LIPF: variants seen among roughly 807,000 people sequenced by gnomAD.
The protein encoded by LIPF is lipase F, gastric type, also known as gastric triacylglycerol lipase.
Under a neutral mutation model 38.0 loss-of-function variants are expected in LIPF, and 25 were observed. The ratio of observed to expected loss-of-function variants is 0.66; its 90% confidence interval spans 0.48 to 0.92. The LOEUF (loss-of-function observed/expected upper bound fraction) is 0.92, where lower values mean the gene tolerates loss of function less well. LIPF is among the 40% of genes least tolerant of loss of function. The pLI, the probability that LIPF is intolerant of heterozygous loss-of-function variation, is 0.00. For synonymous variants in LIPF, 161 were observed against 156.2 expected, an observed-to-expected ratio of 1.03 and a Z score of -0.23; for missense variants, 410 against 469.9, an observed-to-expected ratio of 0.87 and a Z score of 1.18.
chr10:88,678,418 T>C, intron 9 of LIPF, 27 bp from the exon 10 acceptor site: 2 of 1,535,802 alleles, frequency 1.3e-6, no homozygotes, highest in Non-Finnish European at 1.8e-6. Context: ...TTACCTAAAC[T>C]CTGGTTCTTT....
chr10:88,676,326 C>T, intron 9 of LIPF, 46 bp downstream of exon 9: 1 of 1,130,726 alleles, frequency 8.8e-7, no homozygotes, highest in South Asian at 1.3e-5. Context: ...AACAACAATA[C>T]TAACTATTTA....
rs1841725471 is a variant in LIPF at position 88,678,600 on chromosome 10, C to T, written c.1116C>T (p.His372=). The change falls in exon 10 of 10, where the codon CAC becomes CAT. Residue 372 remains histidine (H), a synonymous_variant. Transcript: ENST00000238983. ...ACAAGGAGATTCCTTTTTACAATCA[C>T]TTGGACTTTATCTGGGCAATGGATG... ...IYHKEIPFYN[H]LDFIWAMDAP... The T allele has an allele frequency of 6.2e-7, 1 of 1,613,998 alleles. No homozygotes were observed. The highest frequency in any genetic ancestry group is 8.5e-7 in the Non-Finnish European group (1 of 1,179,902).
intron 6 of LIPF, 148 bp from the exon 7 acceptor site, chr10:88,673,440 T>G: frequency 3.0e-6 from 2 of 676,534 alleles, no homozygotes; most frequent in South Asian, 4.0e-5. Context: ...ATTAACTAAA[T>G]GAAAGTATTG....
At position 88,667,634 on chromosome 10, in the gene LIPF, T is replaced by C. The variant is rs1354300645; in HGVS notation, c.171T>C (p.Tyr57=). 1.3e-6 allele frequency: 2 copies of C among 1,598,094 alleles called. No homozygotes were observed. The highest frequency in any genetic ancestry group is 8.6e-7 in the Non-Finnish European group (1 of 1,166,110). The stretch of plus-strand genomic sequence containing the variant: ...ATGAAGTTGTGACTGAAGATGGTTA[T>C]ATTCTTGAAGTCAATAGAATTCCTT... ...EEYEVVTEDG[Y]ILEVNRIPYG... is the part of the protein sequence containing the mutation. Residue 57 remains tyrosine, a synonymous_variant, in exon 3 of 10, where the codon TAT becomes TAC. Coordinates refer to ENST00000238983, the MANE Select transcript of LIPF (RefSeq NM_004190.4).
chr10:88,667,806 C>A, intron 3 of LIPF, 120 bp downstream of exon 3: 1 of 575,666 alleles, frequency 1.7e-6, no homozygotes. Context: ...CCTTTTTCCT[C>A]CTTTTATTTC....
At chr10:88,670,084 T>C (rs760605365) in intron 5 of LIPF, 138 bp downstream of exon 5, 2 of 645,750 alleles carry the variant, frequency 3.1e-6, no homozygotes, top group Non-Finnish European at 2.8e-6. Flanking sequence ...ATAGGGACAA[T>C]TATAATTCCT....
chr10:88,669,509 C>T (rs814627), intron 4 of LIPF: 32,309 of 172,064 alleles, frequency 0.19, 3,281 homozygotes, highest in East Asian at 0.3. Context: ...TAGAGAAAGA[C>T]AGGATTTATA....
rs1841728772 is a variant in LIPF, at chr10:88,678,755, T to C, written c.*74T>C. 2 of 973,978 alleles carry C rather than the reference T, an allele frequency of 2.1e-6. No individual in the cohort carries two copies. The highest frequency in any genetic ancestry group is 1.6e-5 in the African/African-American group (1 of 61,546). 60.3% of individuals were successfully genotyped at this position (973,978 alleles called of 1,614,324 possible). ...TCTCATACATAGTATTTTCATAATG[T>C]TTGACATGCAGTGCTTCTTTCTGTA... On this transcript the variant is annotated 3_prime_UTR_variant, in exon 10 of 10. Transcript: ENST00000238983.
At chr10:88,668,839 C>T (rs1841553898) in intron 4 of LIPF, 83 bp downstream of exon 4, 2 of 1,098,926 alleles carry the variant, frequency 1.8e-6, no homozygotes, top group Non-Finnish European at 2.7e-6. Context: ...CCCATTTTAA[C>T]AAATTACACT....
intron 8 of LIPF, 46 bp downstream of exon 8, chr10:88,675,703 C>A (rs1323383494): frequency 7.3e-7 from 1 of 1,363,168 alleles, no homozygotes; most frequent in East Asian, 2.4e-5. Context: ...TGAGTCTCAA[C>A]CCTTTTCACT....
intron 1 of LIPF, among the ~76,000 whole-genome samples, chr10:88,666,637 C>T (rs1166998265): frequency 6.6e-6 from 1 of 151,934 alleles, no homozygotes; most frequent in South Asian, 2.1e-4. Context: ...CGGGAAGATA[C>T]CTTGAGGCCA....
At chr10:88,675,838 T>G (rs1841678292) in intron 8 of LIPF, among the ~76,000 whole-genome samples, 181 bp downstream of exon 8, 1 of 152,130 alleles carries the variant, frequency 6.6e-6, no homozygotes, top group Non-Finnish European at 1.5e-5. Flanking sequence ...TTATTTTATT[T>G]TATTATTATT....
rs1590109810 is a variant in LIPF, at chr10:88,668,824, C to A, written c.422+68C>A. 2.3e-6 allele frequency: 3 copies of A among 1,325,644 alleles called. No individual in the cohort carries two copies. In the South Asian group the frequency reaches 3.9e-5, roughly 17 times the overall value. The allele number at this position is 1,325,644 out of a possible 1,614,324, so 82.1% of individuals were successfully genotyped here. On this transcript the variant is annotated intron_variant, in intron 4 of 9. Transcript: ENST00000238983. ...AGCATAGGCATTTGCCCCTTCTAATCCAGTCCCATTTTAACAAATTACACT... is the reference window on the plus strand; with the variant it reads ...AGCATAGGCATTTGCCCCTTCTAATACAGTCCCATTTTAACAAATTACACT...
intron 4 of LIPF, chr10:88,669,279 T>C (rs814626): frequency 0.19 from 30,009 of 158,072 alleles, 3,100 homozygotes; most frequent in East Asian, 0.31. Flanking sequence ...TGAAAGTGTT[T>C]CAAGAGTTCT....
At chr10:88,675,729 C>A in intron 8 of LIPF, 72 bp downstream of exon 8, 2 of 1,084,502 alleles carry the variant, frequency 1.8e-6, no homozygotes, top group Non-Finnish European at 2.8e-6. Flanking sequence ...TAAACACATT[C>A]TTAAAATATC....
At chr10:88,669,988 A>G in intron 5 of LIPF, 42 bp downstream of exon 5, 2 of 1,310,042 alleles carry the variant, frequency 1.5e-6, no homozygotes, top group Non-Finnish European at 2.2e-6. Context: ...ACTTCTCATA[A>G]ACACTTTCCC....
rs776869990 is a variant in LIPF at position 88,667,704 on chromosome 10, T to A, written c.223+18T>A. Reference sequence around the variant, plus strand: ...GAATACAGGTATATATAAGCTTCTTTTCTTCCTTCCTTTCTCTCTTTTTTC... The same window carrying A: ...GAATACAGGTATATATAAGCTTCTTATCTTCCTTCCTTTCTCTCTTTTTTC... On this transcript the variant is annotated intron_variant, in intron 3 of 9. Coordinates refer to ENST00000238983, the MANE Select transcript of LIPF (RefSeq NM_004190.4). The A allele has an allele frequency of 2.0e-6, 2 of 1,005,112 alleles. No homozygotes were observed. The highest frequency in any genetic ancestry group is 4.0e-5 in the Admixed American group (2 of 50,152). 62.3% of individuals were successfully genotyped at this position (1,005,112 alleles called of 1,614,324 possible). A position where few individuals can be genotyped will look rare whatever the true frequency, so the allele number is the denominator to read the frequency against.
chr10:88,665,359 C>T (rs1841495324), intron 1 of LIPF: 3 of 538,142 alleles, frequency 5.6e-6, no homozygotes, highest in Admixed American at 2.7e-5. Flanking sequence ...ATTACAGGCC[C>T]TGTTTTATAG....
chr10:88,676,990 T>C (rs1157370400), intron 9 of LIPF, among the ~76,000 whole-genome samples: 1 of 152,224 alleles, frequency 6.6e-6, no homozygotes, highest in Non-Finnish European at 1.5e-5. Flanking sequence ...CTGACTATTT[T>C]TGAACAAGGG....
Sources: gnomAD v4.1 joint callset for allele counts (sites outside exome capture counted in the v4.1 genomes callset) on GRCh38, gnomAD v4.1.1 for gene constraint, MANE v1.5 for transcripts, NCBI Gene and HGNC (gene_info 2026-07-23, HGNC 2026-07-21) for gene names.